Variants in DENND6A observed in about 807,000 individuals in gnomAD.
The protein encoded by DENND6A is protein DENND6A.
A neutral mutation model predicts 95.5 loss-of-function variants in DENND6A; 43 were observed. The observed-to-expected ratio is 0.45, with a 90% CI of 0.35 to 0.58. The LOEUF (loss-of-function observed/expected upper bound fraction) is 0.58. Among genes scored for constraint, DENND6A ranks in the 20% least tolerant of loss-of-function variants. DENND6A has a pLI of 0.00. For synonymous variants in DENND6A, 257 were observed against 260.4 expected (o/e 0.99, Z 0.13); for missense variants, 574 against 736.0 (o/e 0.78, Z 2.55).
chr3:57,653,068 A>G (rs887521315), intron 9 of DENND6A, among the ~76,000 whole-genome samples: 1 of 152,224 alleles, frequency 6.6e-6, no homozygotes, highest in Non-Finnish European at 1.5e-5. Flanking sequence ...TAGACTCTAA[A>G]GTATTAAGAG....
At chr3:57,677,237 C>G (rs757563044) in intron 1 of DENND6A, among the ~76,000 whole-genome samples, 1 of 152,120 alleles carries the variant, frequency 6.6e-6, no homozygotes, top group African/African-American at 2.4e-5. Flanking sequence ...ATTCCTATGG[C>G]CTATCATTTT....
intron 1 of DENND6A, among the ~76,000 whole-genome samples, chr3:57,674,387 A>T (rs2153416598): frequency 6.6e-6 from 1 of 151,430 alleles, no homozygotes; most frequent in African/African-American, 2.4e-5. Flanking sequence ...AAAAAAAAGA[A>T]ATTGGGAGGC....
chr3:57,640,898 A>T (rs1244387245), intron 12 of DENND6A, among the ~76,000 whole-genome samples: 1 of 152,030 alleles, frequency 6.6e-6, no homozygotes, highest in Non-Finnish European at 1.5e-5. Context: ...CTCAGAATTC[A>T]TATACTTAAA....
At chr3:57,690,245 C>T (rs1316951282) in intron 1 of DENND6A, among the ~76,000 whole-genome samples, 1 of 152,092 alleles carries the variant, frequency 6.6e-6, no homozygotes, top group Non-Finnish European at 1.5e-5. Context: ...GTGGCTCATG[C>T]CTGTAATCCC....
At chr3:57,683,405 G>C (rs2077183444) in intron 1 of DENND6A, among the ~76,000 whole-genome samples, 1 of 152,028 alleles carries the variant, frequency 6.6e-6, no homozygotes, top group South Asian at 2.1e-4. Context: ...CACTTCATCT[G>C]CCCATGGCTA....
intron 12 of DENND6A, among the ~76,000 whole-genome samples, chr3:57,636,681 A>C (rs1176252286): frequency 2.6e-5 from 4 of 152,186 alleles, no homozygotes; most frequent in Admixed American, 6.5e-5. Context: ...TCACGCCTGT[A>C]ATCTCAGCAC....
intron 11 of DENND6A, among the ~76,000 whole-genome samples, chr3:57,644,937 G>A (rs1045572918): frequency 3.3e-5 from 5 of 151,894 alleles, no homozygotes; most frequent in South Asian, 2.1e-4. Flanking sequence ...AAGTCAATCC[G>A]CAGTTGACTA....
chr3:57,655,852 C>A (rs544281600), intron 9 of DENND6A, among the ~76,000 whole-genome samples: 1 of 152,036 alleles, frequency 6.6e-6, no homozygotes, highest in Non-Finnish European at 1.5e-5. Context: ...AACAATAAAG[C>A]GTAAGACTCA....
chr3:57,691,953 C>T (rs540927185), intron 1 of DENND6A, among the ~76,000 whole-genome samples: 2 of 151,954 alleles, frequency 1.3e-5, no homozygotes, highest in Admixed American at 6.6e-5. Flanking sequence ...GAAATGAGGC[C>T]GGGCACGGTG....
intron 14 of DENND6A, 64 bp downstream of exon 14, chr3:57,634,494 G>T: frequency 1.1e-6 from 1 of 898,386 alleles, no homozygotes; most frequent in Non-Finnish European, 1.6e-6. Context: ...AGGACATATT[G>T]CGTAACTGGA....
In DENND6A at chr3:57,664,638, T is replaced by G. The variant is rs1478023142; in HGVS notation, c.433-922A>C. ...TCATGAGGTCAGGAGATCAAGACCA[T>G]CCTGGCCAACATGGTGAATCCCTGT... On this transcript the variant is annotated intron_variant, in intron 4 of 19. Coordinates refer to ENST00000311128, the MANE Select transcript of DENND6A (RefSeq NM_152678.3). Among the ~76,000 whole-genome samples the G allele has an allele frequency of 6.6e-5, 10 of 152,128 alleles. No homozygotes were observed. The East Asian group carries it at 9.7e-4, about 15-fold the overall frequency.
intron 9 of DENND6A, among the ~76,000 whole-genome samples, chr3:57,651,029 C>G (rs1490754746): frequency 6.6e-5 from 10 of 152,094 alleles, no homozygotes; most frequent in Admixed American, 6.5e-4. Context: ...GATGATCTGA[C>G]CACCTTGGCC....
In DENND6A at chr3:57,659,037, A is replaced by ACTT. The variant is rs1362076628; in HGVS notation, c.762+80_762+81insAAG. 7 of 1,314,796 alleles carry ACTT rather than the reference A, an allele frequency of 5.3e-6. No homozygotes were observed. In the Admixed American group the frequency reaches 5.6e-5, roughly 11 times the overall value. The allele number at this position is 1,314,796 out of a possible 1,614,324, so 81.4% of individuals were successfully genotyped here. On this transcript the variant is annotated intron_variant, in intron 8 of 19. Transcript: ENST00000311128. ...TTCAGAAATATGTAATAAACTCAAG[A>ACTT]AACTCTGCATTTGCTAGTTTAAAAA...
chr3:57,664,861 T>C (rs1276719285), intron 4 of DENND6A, among the ~76,000 whole-genome samples: 1 of 151,946 alleles, frequency 6.6e-6, no homozygotes, highest in Non-Finnish European at 1.5e-5. Flanking sequence ...ATGAATATTA[T>C]TGTAATAGGA....
chr3:57,678,296 G>T (rs1047327382), intron 1 of DENND6A, among the ~76,000 whole-genome samples: 1 of 152,164 alleles, frequency 6.6e-6, no homozygotes, highest in Non-Finnish European at 1.5e-5. Context: ...TAAATGCCTT[G>T]ATAAACAGCT....
In DENND6A at chr3:57,630,970, A is replaced by G. The variant is rs562130897; in HGVS notation, c.1362T>C (p.Tyr454=). The change falls in exon 16 of 20, where the codon TAT becomes TAC. Residue 454 remains tyrosine (Y), a synonymous_variant. Coordinates refer to ENST00000311128, the MANE Select transcript of DENND6A (RefSeq NM_152678.3). ...TQSFIIPLER[Y]VASLMPLQKS... is the part of the protein sequence containing the mutation. Reference sequence around the variant, plus strand: ...TCTGCAAAGGCATCAAGCTTGCCACATATCTTTCCTAAAACCAAGAAAAAA... The same window carrying G: ...TCTGCAAAGGCATCAAGCTTGCCACGTATCTTTCCTAAAACCAAGAAAAAA... The G allele has an allele frequency of 1.9e-6, 3 of 1,613,020 alleles. No homozygotes were observed. The highest frequency in any genetic ancestry group is 3.3e-5 in the Admixed American group (2 of 59,738).
intron 11 of DENND6A, among the ~76,000 whole-genome samples, chr3:57,644,229 T>C (rs957463790): frequency 6.6e-6 from 1 of 151,588 alleles, no homozygotes; most frequent in Non-Finnish European, 1.5e-5. Flanking sequence ...TTTAAGGGAT[T>C]CGTAGAGAAA....
intron 4 of DENND6A, among the ~76,000 whole-genome samples, chr3:57,664,631 A>G (rs1311674656): frequency 1.3e-5 from 2 of 152,214 alleles, no homozygotes; most frequent in African/African-American, 4.8e-5. Flanking sequence ...TCAGGAGATC[A>G]AGACCATCCT....
Position 57,692,868 on chromosome 3 carries a change from C to T in DENND6A, c.151G>A (p.Gly51Ser). Residue 51 changes from glycine to serine, a missense_variant, in exon 1 of 20, where the codon GGC (glycine) becomes AGC (serine). Gly to Ser is a moderately conservative substitution (Grantham distance 56, BLOSUM62 0). Around this residue, in one of 2 missense-constraint regions of DENND6A, gnomAD observed 122 missense variants for 105.1 expected, o/e 1.16. Coordinates refer to ENST00000311128, the MANE Select transcript of DENND6A (RefSeq NM_152678.3). ...GAGAAGCTGTCCCAGCGCAGCAGGCCCCGGCCACGGCCATCGTCCTCTTCA... is the reference window on the plus strand; with the variant it reads ...GAGAAGCTGTCCCAGCGCAGCAGGCTCCGGCCACGGCCATCGTCCTCTTCA... Reference protein sequence around the residue: ...DDEEDDGRGRGLLRWDSFSAW... With the variant: ...DDEEDDGRGRSLLRWDSFSAW... The T allele has an allele frequency of 6.3e-7, 1 of 1,586,496 alleles. No homozygotes were observed. Among genetic ancestry groups the T allele is most frequent in the South Asian group, 1.1e-5 (1 of 87,270 alleles).
Sources: allele counts gnomAD v4.1 joint callset (sites outside exome capture counted in the v4.1 genomes callset), GRCh38; gene constraint gnomAD v4.1.1; regional missense constraint gnomAD v4.1.1; transcripts MANE v1.5; gene names NCBI Gene and HGNC (gene_info 2026-07-23, HGNC 2026-07-21).